The following OSBP2 variants were observed in gnomAD, a reference collection of about 807,000 sequenced individuals.
OSBP2 encodes the protein oxysterol-binding protein 2.
A neutral mutation model predicts 96.0 loss-of-function variants in OSBP2; 66 were observed. The ratio of observed to expected loss-of-function variants is 0.69; its 90% CI spans 0.56 to 0.84. OSBP2 has a LOEUF of 0.84. Among genes scored for constraint, OSBP2 ranks in the 40% least tolerant of loss-of-function variants. The pLI is 0.00. For synonymous variants in OSBP2, 525 were observed against 520.9 expected (o/e 1.01, Z -0.11); for missense variants, 1,038 against 1,222.7 (o/e 0.85, Z 2.25).
chr22:30,892,978 G>A, intron 8 of OSBP2, 144 bp from the exon 9 acceptor site: 1 of 1,051,994 alleles, frequency 9.5e-7, no homozygotes, highest in Non-Finnish European at 1.4e-6. Flanking sequence ...TGGGTCCATG[G>A]CCACCTGAGG....
At chr22:30,852,322 G>A (rs1251902127) in intron 2 of OSBP2, among the ~76,000 whole-genome samples, 1 of 152,112 alleles carries the variant, frequency 6.6e-6, no homozygotes, top group African/African-American at 2.4e-5. Context: ...TTTAAATTGA[G>A]TTTCTTTATA....
chr22:30,725,543 AAC>A (rs1422880846), intron 1 of OSBP2, among the ~76,000 whole-genome samples: 2 of 137,356 alleles, frequency 1.5e-5, no homozygotes, highest in African/African-American at 5.2e-5. Flanking sequence ...CAAAAACAAA[AAC>A]AAAAAAAAAA....
chr22:30,709,727 G>A (rs940153720), intron 1 of OSBP2, among the ~76,000 whole-genome samples: 1 of 151,804 alleles, frequency 6.6e-6, no homozygotes, highest in Non-Finnish European at 1.5e-5. Flanking sequence ...TTAAGACATG[G>A]GGTCTTGCTG....
intron 1 of OSBP2, among the ~76,000 whole-genome samples, chr22:30,730,763 T>TCTC (rs1555908752): frequency 2.1e-5 from 1 of 47,882 alleles, no homozygotes. Context: ...TCTCTCTCTC[T>TCTC]CTCTCTCTCT....
chr22:30,880,522 A>G (rs914686788), intron 3 of OSBP2, among the ~76,000 whole-genome samples: 2 of 152,154 alleles, frequency 1.3e-5, no homozygotes, highest in Non-Finnish European at 2.9e-5. Context: ...GTGGCTGCCC[A>G]CGTCAATGCC....
chr22:30,887,353 TG>T, intron 3 of OSBP2, 72 bp from the exon 4 acceptor site: 1 of 1,331,012 alleles, frequency 7.5e-7, no homozygotes, highest in Non-Finnish European at 1.1e-6. Flanking sequence ...GGAGTTGCTC[TG>T]GTTCACATGC....
At chr22:30,760,525 A>G (rs1377362799) in intron 2 of OSBP2, among the ~76,000 whole-genome samples, 1 of 152,182 alleles carries the variant, frequency 6.6e-6, no homozygotes, top group Non-Finnish European at 1.5e-5. Context: ...TTTGAAAATC[A>G]ATAAATGGGG....
rs56875088 is a variant in OSBP2, at chr22:30,856,373, C to CTTTTTTTTTTTTT, written c.854-14038_854-14026dup. Among the ~76,000 whole-genome samples, 184 of 101,412 alleles carry CTTTTTTTTTTTTT rather than the reference C, an allele frequency of 1.8e-3. 9 individuals are homozygous for CTTTTTTTTTTTTT. The highest frequency in any genetic ancestry group is 2.9e-3 in the Non-Finnish European group (147 of 50,128). 66.5% of individuals were successfully genotyped at this position (101,412 alleles called of 152,430 possible). A position where few individuals can be genotyped will look rare whatever the true frequency, so the allele number is the denominator to read the frequency against. The stretch of plus-strand genomic sequence containing the variant: ...CTTGGCAGTTGGAAACAGAGCCCTT[C>CTTTTTTTTTTTTT]TTTTTTTTTTTTTTTTTTTTTTTTT... On this transcript the variant is annotated intron_variant, in intron 2 of 13. Coordinates refer to ENST00000332585, the MANE Select transcript of OSBP2 (RefSeq NM_030758.4).
intron 2 of OSBP2, among the ~76,000 whole-genome samples, chr22:30,840,424 C>T (rs1366216657): frequency 6.6e-6 from 1 of 151,934 alleles, no homozygotes; most frequent in African/African-American, 2.4e-5. Context: ...GGAAGATTGG[C>T]ATTTCTAACA....
intron 2 of OSBP2, among the ~76,000 whole-genome samples, chr22:30,766,612 A>G (rs2090273793): frequency 6.6e-6 from 1 of 152,168 alleles, no homozygotes; most frequent in African/African-American, 2.4e-5. Flanking sequence ...TCCAAAAAGC[A>G]GATGGTCAGA....
At chr22:30,730,809 A>T (rs371279951) in intron 1 of OSBP2, among the ~76,000 whole-genome samples, 3,381 of 20,770 alleles carry the variant, frequency 0.16, 386 homozygotes, top group Middle Eastern at 0.21. Context: ...TATATATATA[A>T]TTTTTTTTTT....
chr22:30,750,112 T>C (rs1157737501), intron 2 of OSBP2, among the ~76,000 whole-genome samples: 1 of 152,194 alleles, frequency 6.6e-6, no homozygotes, highest in Non-Finnish European at 1.5e-5. Flanking sequence ...CTCTAACTGT[T>C]CCCTTTCCAA....
intron 12 of OSBP2, among the ~76,000 whole-genome samples, chr22:30,898,187 AT>A (rs532284737): frequency 2.7e-4 from 41 of 150,400 alleles, no homozygotes; most frequent in Non-Finnish European, 4.9e-4. Context: ...CCAAAAAAAA[AT>A]TTTTTTTTTC....
intron 3 of OSBP2, chr22:30,872,275 T>C (rs2039474487): frequency 8.8e-6 from 4 of 456,542 alleles, no homozygotes; most frequent in South Asian, 6.2e-5. Flanking sequence ...CTGAATGACA[T>C]AATAATGCGT....
intron 2 of OSBP2, among the ~76,000 whole-genome samples, chr22:30,748,601 C>T (rs1046269278): frequency 3.9e-5 from 6 of 152,182 alleles, no homozygotes; most frequent in Admixed American, 3.9e-4. Context: ...CAGCAGTGTC[C>T]TTGCAGAAGA....
At chr22:30,857,823 A>G (rs971205566) in intron 2 of OSBP2, among the ~76,000 whole-genome samples, 3 of 152,208 alleles carry the variant, frequency 2.0e-5, no homozygotes, top group African/African-American at 7.2e-5. Context: ...CTCATCCCCT[A>G]TTCATTTAAG....
Position 30,881,681 on chromosome 22 carries a change from A to C in OSBP2, c.1108-5745A>C, listed in dbSNP as rs1306666280. 1 of 1,304,098 alleles carries C rather than the reference A, an allele frequency of 7.7e-7. No individual in the cohort carries two copies. Among genetic ancestry groups the C allele is most frequent in the Admixed American group, 2.3e-5 (1 of 43,562 alleles). The allele number at this position is 1,304,098 out of a possible 1,614,324, so 80.8% of individuals were successfully genotyped here. A position where few individuals can be genotyped will look rare whatever the true frequency, so the allele number is the denominator to read the frequency against. ...AAGCACACAGCACACAGCCCAGCTC[A>C]GCATTCTGAGAACAGCAGGGCCACG... is the stretch of plus-strand genomic sequence containing the variant. On this transcript the variant is annotated intron_variant, in intron 3 of 13. Transcript: ENST00000332585. This position sits in a 1 kb window ranked among gnomAD's most constrained non-coding sequence, Gnocchi z 4.5.
At position 30,847,840 on chromosome 22, in the gene OSBP2, G is replaced by A. The variant is rs545047968; in HGVS notation, c.854-22589G>A. On this transcript the variant is annotated intron_variant, in intron 2 of 13. Transcript: ENST00000332585. ...TAGTGATTTCCCCTCTTTCATTGCT[G>A]ATATTAGTCATTTGTATCATTCTTT... 5.0e-4 allele frequency among the ~76,000 whole-genome samples: 76 copies of A among 152,190 alleles called. 1 individual carries two copies. Among genetic ancestry groups the A allele is most frequent in the African/African-American group, 1.7e-3 (71 of 41,536 alleles).
At chr22:30,898,046 G>A (rs1219547780) in intron 12 of OSBP2, among the ~76,000 whole-genome samples, 1 of 152,044 alleles carries the variant, frequency 6.6e-6, no homozygotes, top group African/African-American at 2.4e-5. Context: ...TAATGTTGAG[G>A]CTTTCTCCTT....
Sources: allele counts gnomAD v4.1 joint callset (sites outside exome capture counted in the v4.1 genomes callset), GRCh38; gene constraint gnomAD v4.1.1; non-coding constraint Gnocchi (gnomAD v3.1); transcripts MANE v1.5; gene names NCBI Gene and HGNC (gene_info 2026-07-23, HGNC 2026-07-21).